The following CCDC6 variants were observed in gnomAD, a reference collection of about 807,000 sequenced individuals.
CCDC6 encodes the protein coiled-coil domain-containing protein 6.
A neutral mutation model predicts 56.6 loss-of-function variants in CCDC6; 20 were observed. The ratio of observed to expected loss-of-function variants is 0.35; its 90% CI spans 0.25 to 0.51. The LOEUF is 0.51. CCDC6 is among the 20% of genes least tolerant of loss of function. The pLI is 0.95. For missense variants in CCDC6, 367 were observed against 601.1 expected, an observed-to-expected ratio of 0.61 and a Z score of 4.07; for synonymous variants, 241 against 234.4, an observed-to-expected ratio of 1.03 and a Z score of -0.26.
intron 3 of CCDC6, among the ~76,000 whole-genome samples, chr10:59,819,419 T>A (rs943282572): frequency 6.6e-6 from 1 of 152,198 alleles, no homozygotes; most frequent in Non-Finnish European, 1.5e-5. Flanking sequence ...GCAGAGAAGT[T>A]AGAGGAAATC....
intron 1 of CCDC6, among the ~76,000 whole-genome samples, chr10:59,882,405 A>AGAAGGAAAGGAAAGCCG (rs2071347331): frequency 6.4e-4 from 1 of 1,556 alleles, no homozygotes; most frequent in African/African-American, 3.5e-3. Flanking sequence ...AAGGAAAGCC[A>AGAAGGAAAGGAAAGCCG]GGGGGAGAAG....
intron 5 of CCDC6, among the ~76,000 whole-genome samples, chr10:59,812,062 CAAA>C (rs142710534): frequency 1.7e-4 from 21 of 121,126 alleles, no homozygotes; most frequent in African/African-American, 5.2e-4. Flanking sequence ...TTTGAATAGC[CAAA>C]AAAAAAAAAA....
At chr10:59,805,238 A>T (rs1228355749) in intron 6 of CCDC6, 1 of 152,264 alleles carries the variant, frequency 6.6e-6, no homozygotes, top group Non-Finnish European at 1.5e-5. Context: ...CTGATAAACC[A>T]TCCTGCACGA....
At position 59,901,304 on chromosome 10, in the gene CCDC6, C is replaced by T. The variant is rs546341104; in HGVS notation, c.303+4818G>A. On this transcript the variant is annotated intron_variant, in intron 1 of 8. Transcript: ENST00000263102. ...AAACGGGGGGAAAAAAGACATCACA[C>T]TCTCATCGTCACATTTATAAAGGCA... Among the ~76,000 whole-genome samples the T allele has an allele frequency of 2.6e-5, 4 of 152,286 alleles. No homozygotes were observed. The East Asian group carries it at 7.7e-4, about 29-fold the overall frequency.
intron 2 of CCDC6, among the ~76,000 whole-genome samples, chr10:59,849,285 CTGGA>C (rs893171742): frequency 3.3e-5 from 5 of 152,102 alleles, no homozygotes; most frequent in African/African-American, 1.2e-4. Flanking sequence ...TGTGTCTGTA[CTGGA>C]TAGACACAAA....
chr10:59,850,360 C>CACG (rs61309080), intron 2 of CCDC6, among the ~76,000 whole-genome samples: 80,099 of 151,556 alleles, frequency 0.53, 23,158 homozygotes, highest in African/African-American at 0.78. Context: ...TAAAATTTAC[C>CACG]ACATTAAAAT....
intron 5 of CCDC6, among the ~76,000 whole-genome samples, chr10:59,811,277 G>A (rs1477268554): frequency 2.6e-5 from 4 of 152,200 alleles, no homozygotes; most frequent in Non-Finnish European, 5.9e-5. Context: ...CACGGCACAA[G>A]AATTTGTAAG....
intron 3 of CCDC6, among the ~76,000 whole-genome samples, chr10:59,822,102 T>C (rs183413123): frequency 6.5e-4 from 99 of 152,348 alleles, no homozygotes; most frequent in African/African-American, 2.2e-3. Context: ...ATTTGGAAGA[T>C]AGAATTTTCC....
intron 1 of CCDC6, among the ~76,000 whole-genome samples, chr10:59,890,431 TCA>T (rs2071413526): frequency 6.6e-6 from 1 of 152,140 alleles, no homozygotes; most frequent in African/African-American, 2.4e-5. Context: ...CGGCTTCTTC[TCA>T]GACAGCAACC....
At chr10:59,882,840 A>G (rs965664940) in intron 1 of CCDC6, among the ~76,000 whole-genome samples, 2 of 152,170 alleles carry the variant, frequency 1.3e-5, no homozygotes, top group East Asian at 1.9e-4. Flanking sequence ...CGCACCTGTA[A>G]TCCCAGCTAC....
At chr10:59,877,697 G>A (rs542050919) in intron 1 of CCDC6, among the ~76,000 whole-genome samples, 1 of 152,272 alleles carries the variant, frequency 6.6e-6, no homozygotes, top group East Asian at 1.9e-4. Flanking sequence ...TAAGTTAAAT[G>A]TGAGTATGAC....
At chr10:59,837,782 A>AGC (rs2070897238) in intron 2 of CCDC6, among the ~76,000 whole-genome samples, 6 of 141,358 alleles carry the variant, frequency 4.2e-5, no homozygotes, top group South Asian at 2.3e-4. Context: ...AAAGAAGAAG[A>AGC]AGCTTGAGAG....
intron 2 of CCDC6, among the ~76,000 whole-genome samples, chr10:59,839,007 T>A (rs1188263932): frequency 6.6e-6 from 1 of 152,226 alleles, no homozygotes. Context: ...ATCTTTTCCA[T>A]CAGCTACTTC....
intron 1 of CCDC6, among the ~76,000 whole-genome samples, chr10:59,874,118 AACACAC>A (rs55812153): frequency 2.7e-5 from 4 of 148,572 alleles, no homozygotes; most frequent in South Asian, 2.2e-4. Context: ...TTACCTAGCA[AACACAC>A]ACACACACAC....
At chr10:59,870,206 G>T (rs1430131819) in intron 1 of CCDC6, among the ~76,000 whole-genome samples, 1 of 152,158 alleles carries the variant, frequency 6.6e-6, no homozygotes, top group Non-Finnish European at 1.5e-5. Flanking sequence ...TCCGATACTG[G>T]TTAACATATG....
At chr10:59,849,966 A>G (rs1422404559) in intron 2 of CCDC6, among the ~76,000 whole-genome samples, 1 of 152,212 alleles carries the variant, frequency 6.6e-6, no homozygotes, top group African/African-American at 2.4e-5. Flanking sequence ...GATGAGTATC[A>G]TAGGCTGAAC....
In CCDC6 at chr10:59,794,506, G is replaced by A. The variant is rs761874280; in HGVS notation, c.1197C>T (p.His399=). 2.2e-5 allele frequency: 36 copies of A among 1,614,014 alleles called. No individual in the cohort carries two copies. The highest frequency in any genetic ancestry group is 8.9e-5 in the East Asian group (4 of 44,888). ...GMSYYNSPGL[H]VQHMGTSHGI... is the part of the protein sequence containing the mutation. ...CATGGGATGTTCCCATGTGCTGCAC[G>A]TGAAGACCCGGGGAATTGTAATAAG... Residue 399 remains histidine (H), a synonymous_variant, in exon 8 of 9, where the codon CAC becomes CAT. Transcript: ENST00000263102.
chr10:59,851,435 A>G (rs2071038370), intron 2 of CCDC6, among the ~76,000 whole-genome samples: 1 of 152,166 alleles, frequency 6.6e-6, no homozygotes, highest in Non-Finnish European at 1.5e-5. Flanking sequence ...TTCAGTAACT[A>G]CCATATAAAT....
At chr10:59,844,269 C>T (rs945429239) in intron 2 of CCDC6, among the ~76,000 whole-genome samples, 9 of 152,064 alleles carry the variant, frequency 5.9e-5, no homozygotes, top group East Asian at 3.9e-4. Context: ...CAGAGTCAGG[C>T]CCTCACTTCT....
Sources: allele counts gnomAD v4.1 joint callset (sites outside exome capture counted in the v4.1 genomes callset), GRCh38; gene constraint gnomAD v4.1.1; transcripts MANE v1.5; gene names NCBI Gene and HGNC (gene_info 2026-07-23, HGNC 2026-07-21).